The following GDAP2 variants were observed in gnomAD, a reference collection of about 807,000 sequenced individuals.
GDAP2 encodes the protein ganglioside-induced differentiation-associated protein 2.
GDAP2 carries 51 observed loss-of-function variants against 67.0 expected under a neutral mutation model. The observed-to-expected ratio is 0.76, with a 90% CI of 0.61 to 0.96. GDAP2 has a LOEUF of 0.96. Ranked by LOEUF, GDAP2 falls within the 40% of genes least tolerant of loss-of-function variation. The pLI, the probability that GDAP2 is intolerant of heterozygous loss-of-function variation, is 0.00. For missense variants in GDAP2, 547 were observed against 588.3 expected, an observed-to-expected ratio of 0.93 and a Z score of 0.73; for synonymous variants, 203 against 207.3, an observed-to-expected ratio of 0.98 and a Z score of 0.18.
At chr1:117,911,943 TA>T in intron 5 of GDAP2, 50 bp downstream of exon 5, 1 of 1,090,956 alleles carries the variant, frequency 9.2e-7, no homozygotes, top group Non-Finnish European at 1.4e-6. Flanking sequence ...GCCCAGAATT[TA>T]AAAAATTTTT....
rs369078032 is a variant in GDAP2, at chr1:117,897,578, T to G, written c.797-589A>C. On this transcript the variant is annotated intron_variant, in intron 7 of 13. Transcript: ENST00000369443. Reference sequence around the variant, plus strand: ...AGTTATAGTTTTCACTACAAATTAATAAATTAACTTTCTAATCTGTCCATA... The same window carrying G: ...AGTTATAGTTTTCACTACAAATTAAGAAATTAACTTTCTAATCTGTCCATA... 2.7e-4 allele frequency among the ~76,000 whole-genome samples: 41 copies of G among 152,338 alleles called. No homozygotes were observed. In the East Asian group the frequency reaches 3.7e-3, roughly 14 times the overall value.
intron 13 of GDAP2, among the ~76,000 whole-genome samples, chr1:117,874,592 G>T (rs1192143949): frequency 1.3e-5 from 2 of 152,204 alleles, no homozygotes; most frequent in Non-Finnish European, 2.9e-5. Flanking sequence ...GTACTGAGGG[G>T]TGGGGTGTTG....
intron 3 of GDAP2, among the ~76,000 whole-genome samples, chr1:117,917,792 A>G (rs1325782598): frequency 6.6e-6 from 1 of 152,158 alleles, no homozygotes; most frequent in Non-Finnish European, 1.5e-5. Context: ...TGCCATTAGG[A>G]ATTTTTCCAG....
intron 5 of GDAP2, among the ~76,000 whole-genome samples, chr1:117,911,238 C>G (rs924332597): frequency 9.2e-5 from 14 of 152,184 alleles, no homozygotes; most frequent in African/African-American, 3.4e-4. Context: ...ATCATGGACT[C>G]TCTTTAGCTG....
intron 1 of GDAP2, among the ~76,000 whole-genome samples, chr1:117,927,212 G>A (rs1194739454): frequency 6.6e-6 from 1 of 151,732 alleles, no homozygotes; most frequent in African/African-American, 2.4e-5. Flanking sequence ...TCATTACACT[G>A]TAACTTGTTT....
chr1:117,880,408 T>C (rs1337757896), intron 12 of GDAP2, among the ~76,000 whole-genome samples: 2 of 152,124 alleles, frequency 1.3e-5, no homozygotes, highest in South Asian at 4.1e-4. Context: ...ATGATTTTGG[T>C]GTGAAAAGCT....
Position 117,921,149 on chromosome 1 carries a change from A to G in GDAP2, c.-67-725T>C, listed in dbSNP as rs1280145133. Among the ~76,000 whole-genome samples the G allele has an allele frequency of 2.0e-5, 3 of 152,206 alleles. No individual in the cohort carries two copies. In the East Asian group the frequency reaches 5.8e-4, roughly 29 times the overall value. ...CAATTTGCCTATGAGTCAAACATCT[A>G]TTTCAGTAAAATGGTATATTCATTC... On this transcript the variant is annotated intron_variant, in intron 1 of 13. Transcript: ENST00000369443.
At chr1:117,910,339 A>C (rs1306423152) in intron 5 of GDAP2, among the ~76,000 whole-genome samples, 1 of 152,122 alleles carries the variant, frequency 6.6e-6, no homozygotes, top group Non-Finnish European at 1.5e-5. Flanking sequence ...CCCTTTTAAA[A>C]ATATATATTT....
rs1360348334 is a variant in GDAP2, at chr1:117,899,095, C to T, written c.758G>A (p.Arg253Gln). The change falls in exon 7 of 14, where the codon CGA becomes CAA. Residue 253 changes from arginine to glutamine, a missense_variant. By Grantham distance (43) the Arg-to-Gln change is conservative. Transcript: ENST00000369443. ...NAEGEPVVPE[R>Q]QIRISEKPGA... ...AGGTTTCTCACTTATTCTAATCTGT[C>T]GTTCAGGTACCACAGGCTCCCCTTC... is the stretch of plus-strand genomic sequence containing the variant. The T allele has an allele frequency of 3.1e-6, 5 of 1,613,122 alleles. No homozygotes were observed. The highest frequency in any genetic ancestry group is 1.3e-5 in the African/African-American group (1 of 74,882).
intron 5 of GDAP2, among the ~76,000 whole-genome samples, chr1:117,908,923 ATATAAT>A: frequency 6.6e-6 from 1 of 152,328 alleles, no homozygotes; most frequent in African/African-American, 2.4e-5. Context: ...GTTTCCCAGA[ATATAAT>A]TATATTATTT....
chr1:117,893,887 C>G (rs1367398675), intron 8 of GDAP2, among the ~76,000 whole-genome samples: 2 of 151,990 alleles, frequency 1.3e-5, no homozygotes, highest in Non-Finnish European at 2.9e-5. Flanking sequence ...GAAATAAAAA[C>G]AGAGAAATTT....
At chr1:117,925,288 A>C (rs1288840159) in intron 1 of GDAP2, among the ~76,000 whole-genome samples, 2 of 152,078 alleles carry the variant, frequency 1.3e-5, no homozygotes, top group African/African-American at 4.8e-5. Flanking sequence ...CCCCATTTCT[A>C]CAAGAATACA....
At chr1:117,920,112 TA>T in intron 2 of GDAP2, 69 bp downstream of exon 2, 2 of 884,896 alleles carry the variant, frequency 2.3e-6, no homozygotes, top group Admixed American at 2.2e-5. Context: ...GCTAGGGCTT[TA>T]AAAAAGAGGT....
intron 13 of GDAP2, among the ~76,000 whole-genome samples, chr1:117,873,418 T>TC (rs1400799817): frequency 6.6e-6 from 1 of 152,114 alleles, no homozygotes; most frequent in African/African-American, 2.4e-5. Flanking sequence ...GGGTTTCTTT[T>TC]TTTTTTTAAA....
At chr1:117,893,650 T>A (rs1332053334) in intron 8 of GDAP2, among the ~76,000 whole-genome samples, 4 of 152,304 alleles carry the variant, frequency 2.6e-5, no homozygotes, top group Non-Finnish European at 4.4e-5. Context: ...GAGAAAGAAA[T>A]TTTAAAAACT....
In GDAP2 at chr1:117,887,685, T is replaced by C. The variant is rs781655041; in HGVS notation, c.1030+13A>G. 7.7e-6 allele frequency: 10 copies of C among 1,301,408 alleles called. No homozygotes were observed. In the South Asian group the frequency reaches 8.3e-5, roughly 11 times the overall value. 80.6% of individuals were successfully genotyped at this position (1,301,408 alleles called of 1,614,324 possible). On this transcript the variant is annotated intron_variant, in intron 9 of 13. Transcript: ENST00000369443. ...ATTAGTGAAAGAATAAGTTACCATATATTTAAGCTCACCTGTTTGGTATAA... is the reference window on the plus strand; with the variant it reads ...ATTAGTGAAAGAATAAGTTACCATACATTTAAGCTCACCTGTTTGGTATAA...
Position 117,863,758 on chromosome 1 carries a change from T to C in GDAP2, c.*6811A>G, listed in dbSNP as rs1164021415. ...TGGAGTCAGATCTGGATTTGAATCC[T>C]GATTCTACCACTCAATATGTAATAT... On this transcript the variant is annotated 3_prime_UTR_variant, in exon 14 of 14. Coordinates refer to ENST00000369443, the MANE Select transcript of GDAP2 (RefSeq NM_017686.4). 1.3e-5 allele frequency: 2 copies of C among 152,254 alleles called. No individual in the cohort carries two copies. The highest frequency in any genetic ancestry group is 1.3e-4 in the Admixed American group (2 of 15,288). The allele number at this position is 152,254 out of a possible 1,614,324, so 9.4% of individuals were successfully genotyped here.
intron 13 of GDAP2, among the ~76,000 whole-genome samples, chr1:117,873,837 T>A (rs934851210): frequency 2.6e-5 from 4 of 152,160 alleles, no homozygotes; most frequent in African/African-American, 9.7e-5. Flanking sequence ...AAATGTCTAT[T>A]TCTAAATATC....
intron 3 of GDAP2, among the ~76,000 whole-genome samples, chr1:117,917,802 G>A (rs115906482): frequency 1.3e-5 from 2 of 152,258 alleles, no homozygotes; most frequent in South Asian, 2.1e-4. Flanking sequence ...AATTTTTCCA[G>A]ACCAGCTTCT....
Sources: gnomAD v4.1 joint callset for allele counts (sites outside exome capture counted in the v4.1 genomes callset) on GRCh38, gnomAD v4.1.1 for gene constraint, MANE v1.5 for transcripts, NCBI Gene and HGNC (gene_info 2026-07-23, HGNC 2026-07-21) for gene names.